Variants in TYR observed in about 807,000 individuals in gnomAD.
TYR encodes the protein LB24-AB.
In TYR, 58 loss-of-function variants were observed where a neutral mutation model predicts 51.5. The ratio of observed to expected loss-of-function variants is 1.13; its 90% CI spans 0.91 to 1.40. The LOEUF (loss-of-function observed/expected upper bound fraction) is 1.40. Among genes scored for constraint, TYR ranks in the 40% most tolerant of loss-of-function variants. TYR has a pLI of 0.00. For synonymous variants in TYR, 263 were observed against 235.2 expected, an observed-to-expected ratio of 1.12 and a Z score of -1.08; for missense variants, 732 against 647.4, an observed-to-expected ratio of 1.13 and a Z score of -1.42.
At chr11:89,188,904 G>T (rs1223968042) in intron 1 of TYR, among the ~76,000 whole-genome samples, 2 of 151,884 alleles carry the variant, frequency 1.3e-5, no homozygotes, top group African/African-American at 2.4e-5. Flanking sequence ...AATAATGTTT[G>T]CATCAGTCAG....
intron 3 of TYR, among the ~76,000 whole-genome samples, chr11:89,252,158 T>C (rs1944338398): frequency 6.6e-6 from 1 of 151,862 alleles, no homozygotes; most frequent in Non-Finnish European, 1.5e-5. Context: ...TATATGGCTT[T>C]CTGTTCTAGT....
intron 3 of TYR, among the ~76,000 whole-genome samples, chr11:89,235,376 T>C (rs2135287014): frequency 6.6e-6 from 1 of 152,332 alleles, no homozygotes; most frequent in East Asian, 1.9e-4. Flanking sequence ...TGTACTTCCA[T>C]GTTTGTTGTA....
chr11:89,194,783 G>A (rs1354992718), intron 2 of TYR, among the ~76,000 whole-genome samples: 1 of 152,070 alleles, frequency 6.6e-6, no homozygotes. Flanking sequence ...AATGGTTCCA[G>A]AATTTGCCCA....
At chr11:89,234,666 G>C (rs1434237659) in intron 3 of TYR, among the ~76,000 whole-genome samples, 1 of 144,088 alleles carries the variant, frequency 6.9e-6, no homozygotes, top group Non-Finnish European at 1.5e-5. Flanking sequence ...GGCCCAAGGA[G>C]AGGGAGAGAT....
intron 3 of TYR, among the ~76,000 whole-genome samples, chr11:89,235,279 C>T (rs1214149421): frequency 6.6e-6 from 1 of 152,080 alleles, no homozygotes; most frequent in Non-Finnish European, 1.5e-5. Flanking sequence ...CCTCAGTAAA[C>T]TAAAGATAGA....
At chr11:89,277,465 C>G (rs953253884) in intron 3 of TYR, among the ~76,000 whole-genome samples, 3 of 151,660 alleles carry the variant, frequency 2.0e-5, no homozygotes, top group Admixed American at 2.0e-4. Flanking sequence ...TCTCATTATT[C>G]CCATGGCTTC....
At chr11:89,242,543 G>C (rs942255815) in intron 3 of TYR, among the ~76,000 whole-genome samples, 1 of 152,090 alleles carries the variant, frequency 6.6e-6, no homozygotes, top group African/African-American at 2.4e-5. Flanking sequence ...AGACCTGCTA[G>C]TGTGGAAGGA....
intron 2 of TYR, among the ~76,000 whole-genome samples, chr11:89,220,910 A>T (rs1292087164): frequency 6.6e-6 from 1 of 152,194 alleles, no homozygotes; most frequent in Admixed American, 6.5e-5. Context: ...TAGAGAGGCA[A>T]TTAAGTAGTA....
chr11:89,205,196 A>G (rs1387008854), intron 2 of TYR, among the ~76,000 whole-genome samples: 1 of 152,144 alleles, frequency 6.6e-6, no homozygotes, highest in Admixed American at 6.6e-5. Flanking sequence ...AGATAGAAAA[A>G]TAGAAATTAC....
At chr11:89,183,262 A>C (rs535951216) in intron 1 of TYR, among the ~76,000 whole-genome samples, 5 of 152,086 alleles carry the variant, frequency 3.3e-5, no homozygotes, top group Non-Finnish European at 7.4e-5. Context: ...GACTTGGAAC[A>C]CTTGATCGTC....
At chr11:89,244,858 C>G (rs1944243649) in intron 3 of TYR, among the ~76,000 whole-genome samples, 1 of 152,152 alleles carries the variant, frequency 6.6e-6, no homozygotes, top group Admixed American at 6.6e-5. Context: ...CTATTATTCT[C>G]CAACTAGTTT....
chr11:89,252,435 G>T (rs911682898), intron 3 of TYR, among the ~76,000 whole-genome samples: 49 of 151,684 alleles, frequency 3.2e-4, no homozygotes, highest in African/African-American at 1.1e-3. Context: ...AAAGACTTGA[G>T]CCCACCCAAG....
chr11:89,292,014 C>A lies in TYR; in HGVS notation c.1367-3129C>A, dbSNP rs1422582799. Reference sequence around the variant, plus strand: ...TGCTATGATTACGTTTGTTTTCCTGCATTACTTTTCTATTGGAATTAAGAC... The same window carrying A: ...TGCTATGATTACGTTTGTTTTCCTGAATTACTTTTCTATTGGAATTAAGAC... On this transcript the variant is annotated intron_variant, in intron 4 of 4. Coordinates refer to ENST00000263321, the MANE Select transcript of TYR (RefSeq NM_000372.5). 5.3e-5 allele frequency among the ~76,000 whole-genome samples: 8 copies of A among 152,044 alleles called. No homozygotes were observed. In the East Asian group the frequency reaches 1.5e-3, roughly 29 times the overall value.
intron 2 of TYR, among the ~76,000 whole-genome samples, chr11:89,199,158 C>A (rs1020717698): frequency 2.7e-4 from 41 of 152,118 alleles, no homozygotes; most frequent in African/African-American, 9.9e-4. Flanking sequence ...TCCAGTCTAT[C>A]ATTGTTGTAC....
At chr11:89,182,855 T>C (rs1009915290) in intron 1 of TYR, among the ~76,000 whole-genome samples, 4 of 131,396 alleles carry the variant, frequency 3.0e-5, no homozygotes, top group African/African-American at 1.4e-4. Flanking sequence ...GGTGTCATCA[T>C]GAACAGAAAC....
chr11:89,212,219 A>G (rs1247407456), intron 2 of TYR, among the ~76,000 whole-genome samples: 1 of 152,208 alleles, frequency 6.6e-6, no homozygotes, highest in Non-Finnish European at 1.5e-5. Context: ...AAGAGAGAAG[A>G]ATCAAATATA....
chr11:89,189,071 G>C (rs894614166), intron 1 of TYR, among the ~76,000 whole-genome samples: 2 of 151,928 alleles, frequency 1.3e-5, no homozygotes, highest in African/African-American at 4.8e-5. Flanking sequence ...TTTTAACCTA[G>C]AACCTACTTT....
chr11:89,262,542 T>A (rs1944469728), intron 3 of TYR, among the ~76,000 whole-genome samples: 1 of 134,782 alleles, frequency 7.4e-6, no homozygotes, highest in South Asian at 2.3e-4. Context: ...AGAAAATCAA[T>A]GAAACAAAAA....
At chr11:89,200,660 A>T (rs1489757592) in intron 2 of TYR, 1 of 152,094 alleles carries the variant, frequency 6.6e-6, no homozygotes, top group African/African-American at 2.4e-5. Context: ...ATATTTCAAA[A>T]ATACTAAGTG....
Sources: allele counts gnomAD v4.1 joint callset (sites outside exome capture counted in the v4.1 genomes callset), GRCh38; gene constraint gnomAD v4.1.1; transcripts MANE v1.5; gene names NCBI Gene and HGNC (gene_info 2026-07-23, HGNC 2026-07-21).